Variants in GREB1L observed in about 807,000 individuals in gnomAD.
GREB1L encodes the protein GREB1-like protein.
Under a neutral mutation model 200.8 loss-of-function variants are expected in GREB1L, and 17 were observed. The observed-to-expected ratio is 0.08, with a 90% CI of 0.06 to 0.13. The LOEUF is 0.13. GREB1L is among the 10% of genes least tolerant of loss of function. The pLI is 1.00. For synonymous variants in GREB1L, 789 were observed against 893.0 expected, an observed-to-expected ratio of 0.88 and a Z score of 2.08; for missense variants, 1,657 against 2,367.7, an observed-to-expected ratio of 0.70 and a Z score of 6.23.
At chr18:21,318,678 A>G (rs111434726) in intron 1 of GREB1L, among the ~76,000 whole-genome samples, 29 of 152,346 alleles carry the variant, frequency 1.9e-4, no homozygotes, top group East Asian at 1.5e-3. Context: ...ATATGCCAGT[A>G]TAAGAAATGT....
intron 7 of GREB1L, among the ~76,000 whole-genome samples, chr18:21,436,978 T>TG (rs1677678728): frequency 6.6e-6 from 1 of 152,142 alleles, no homozygotes; most frequent in Non-Finnish European, 1.5e-5. Flanking sequence ...CCCAAAGTGC[T>TG]GGGATTACAG....
chr18:21,307,714 A>G (rs1186175678), intron 1 of GREB1L, among the ~76,000 whole-genome samples: 2 of 151,926 alleles, frequency 1.3e-5, no homozygotes, highest in African/African-American at 4.8e-5. Context: ...GTGCCCTCTG[A>G]CTTCTGCCAG....
chr18:21,477,390 A>G (rs1180163753), intron 17 of GREB1L, 34 bp downstream of exon 17: 4 of 1,476,354 alleles, frequency 2.7e-6, no homozygotes, highest in African/African-American at 1.4e-5. Context: ...ATACACTGTC[A>G]TGTTCTCAGT....
At position 21,370,749 on chromosome 18, in the gene GREB1L, G is replaced by A. The variant is rs184525001; in HGVS notation, c.-10+4613G>A. 2.6e-5 allele frequency among the ~76,000 whole-genome samples: 4 copies of A among 152,294 alleles called. No individual in the cohort carries two copies. The East Asian group carries it at 5.8e-4, about 22-fold the overall frequency. On this transcript the variant is annotated intron_variant, in intron 2 of 32. Coordinates refer to ENST00000424526, the MANE Select transcript of GREB1L (RefSeq NM_001142966.3). Reference sequence around the variant, plus strand: ...ATTGTACATACTCTAGAGTTGTACTGTTCAGTATGACAGCTACTAGTCACA... The same window carrying A: ...ATTGTACATACTCTAGAGTTGTACTATTCAGTATGACAGCTACTAGTCACA...
Position 21,523,004 on chromosome 18 carries a change from T to C in GREB1L, c.*183T>C, listed in dbSNP as rs1404534672. The C allele has an allele frequency of 1.8e-6, 1 of 551,792 alleles. No homozygotes were observed. The highest frequency in any genetic ancestry group is 3.1e-6 in the Non-Finnish European group (1 of 321,016). The allele number at this position is 551,792 out of a possible 1,614,324, so 34.2% of individuals were successfully genotyped here. A position where few individuals can be genotyped will look rare whatever the true frequency, so the allele number is the denominator to read the frequency against. On this transcript the variant is annotated 3_prime_UTR_variant, in exon 33 of 33. Coordinates refer to ENST00000424526, the MANE Select transcript of GREB1L (RefSeq NM_001142966.3). ...CTTTGGGGACATCACTTTCCTTCAG[T>C]TCCAATTACAGGACCCTTAAATTCA...
chr18:21,427,735 A>G (rs1008201799), intron 7 of GREB1L, among the ~76,000 whole-genome samples: 4 of 152,218 alleles, frequency 2.6e-5, no homozygotes, highest in African/African-American at 9.6e-5. Context: ...TATTAGCTCT[A>G]GTAGTTTTGT....
At chr18:21,369,945 T>TG (rs2039811388) in intron 2 of GREB1L, among the ~76,000 whole-genome samples, 1 of 130,522 alleles carries the variant, frequency 7.7e-6, no homozygotes, top group Non-Finnish European at 1.5e-5. Context: ...CGAGACTCCA[T>TG]CTCAAAAAAA....
Position 21,359,237 on chromosome 18 carries a change from G to A in GREB1L, c.-119-6790G>A, listed in dbSNP as rs144930807. 1.1e-3 allele frequency among the ~76,000 whole-genome samples: 173 copies of A among 152,298 alleles called. 1 individual carries two copies. The Middle Eastern group carries it at 0.014, about 12-fold the overall frequency. On this transcript the variant is annotated intron_variant, in intron 1 of 32. Coordinates refer to ENST00000424526, the MANE Select transcript of GREB1L (RefSeq NM_001142966.3). The stretch of plus-strand genomic sequence containing the variant: ...TTGGGAGGCCAAGGCGGATTATGAG[G>A]TCAGGAGTTCGAGACCAGCCTGGCC...
At chr18:21,438,151 G>A (rs1392044316) in intron 7 of GREB1L, among the ~76,000 whole-genome samples, 1 of 152,110 alleles carries the variant, frequency 6.6e-6, no homozygotes, top group Non-Finnish European at 1.5e-5. Context: ...ATACATGCCT[G>A]TAGCCCCAGC....
intron 7 of GREB1L, among the ~76,000 whole-genome samples, chr18:21,410,684 T>C (rs2030875054): frequency 6.6e-6 from 1 of 150,854 alleles, no homozygotes; most frequent in Non-Finnish European, 1.5e-5. Flanking sequence ...AAGACTGATA[T>C]TTTACTACAT....
At chr18:21,320,602 A>C (rs1180665786) in intron 1 of GREB1L, among the ~76,000 whole-genome samples, 2 of 152,002 alleles carry the variant, frequency 1.3e-5, no homozygotes, top group African/African-American at 4.8e-5. Flanking sequence ...TCTCTAGTAA[A>C]AATACAAAAA....
intron 32 of GREB1L, among the ~76,000 whole-genome samples, chr18:21,521,206 GTAAA>G (rs1283475081): frequency 6.6e-6 from 1 of 150,492 alleles, no homozygotes; most frequent in Non-Finnish European, 1.5e-5. Flanking sequence ...CAAAAAAAAA[GTAAA>G]TAAATAAATA....
Position 21,498,769 on chromosome 18 carries a change from C to T in GREB1L, c.3392-960C>T, listed in dbSNP as rs370801344. On this transcript the variant is annotated intron_variant, in intron 21 of 32. Coordinates refer to ENST00000424526, the MANE Select transcript of GREB1L (RefSeq NM_001142966.3). ...TCACTGCCCAGAATGCACAGTGCTG[C>T]GGGGAGAAGGCAAGCTCTCCCCCAA... is the stretch of plus-strand genomic sequence containing the variant. Among the ~76,000 whole-genome samples the T allele has an allele frequency of 2.5e-4, 38 of 152,286 alleles. No individual in the cohort carries two copies. The East Asian group carries it at 2.5e-3, about 10-fold the overall frequency.
At chr18:21,276,772 A>C (rs1314172870) in intron 1 of GREB1L, among the ~76,000 whole-genome samples, 1 of 152,064 alleles carries the variant, frequency 6.6e-6, no homozygotes, top group African/African-American at 2.4e-5. Flanking sequence ...GAAAGGGAAG[A>C]AGGAAGGAAA....
intron 5 of GREB1L, among the ~76,000 whole-genome samples, chr18:21,397,372 A>G (rs1229375633): frequency 6.6e-6 from 1 of 151,824 alleles, no homozygotes; most frequent in African/African-American, 2.4e-5. Flanking sequence ...GTCTCTACCA[A>G]AAATTAGCCG....
chr18:21,496,166 A>AG (rs2036536859), intron 20 of GREB1L, among the ~76,000 whole-genome samples: 1 of 152,222 alleles, frequency 6.6e-6, no homozygotes, highest in African/African-American at 2.4e-5. Flanking sequence ...CTGAATGCTT[A>AG]CTGTGCGTGT....
chr18:21,447,674 C>A (rs780542139), intron 11 of GREB1L, among the ~76,000 whole-genome samples: 29 of 152,182 alleles, frequency 1.9e-4, no homozygotes, highest in Non-Finnish European at 3.7e-4. Flanking sequence ...TGCTTTTCAG[C>A]TGTCATGTTC....
rs1457686262 is a variant in GREB1L, at chr18:21,525,744, A to G, written c.*2923A>G. ...GTTGCTAGAACTATGTAGTATGAAG[A>G]TGCTGTTATTGTAGTATGAATTATA... On this transcript the variant is annotated 3_prime_UTR_variant, in exon 33 of 33. Transcript: ENST00000424526. Among the ~76,000 whole-genome samples the G allele has an allele frequency of 6.6e-6, 1 of 152,234 alleles. No individual in the cohort carries two copies. The highest frequency in any genetic ancestry group is 1.5e-5 in the Non-Finnish European group (1 of 68,050).
At chr18:21,423,405 C>T (rs2032316718) in intron 7 of GREB1L, among the ~76,000 whole-genome samples, 1 of 152,036 alleles carries the variant, frequency 6.6e-6, no homozygotes, top group African/African-American at 2.4e-5. Context: ...AAGGGAAGGA[C>T]TTAGGTGCAG....
Sources: allele counts gnomAD v4.1 joint callset (sites outside exome capture counted in the v4.1 genomes callset), GRCh38; gene constraint gnomAD v4.1.1; transcripts MANE v1.5; gene names NCBI Gene and HGNC (gene_info 2026-07-23, HGNC 2026-07-21).